The following PLCB4 variants were observed in gnomAD, a reference collection of about 807,000 sequenced individuals.
The protein encoded by PLCB4 is 1-phosphatidylinositol 4,5-bisphosphate phosphodiesterase beta-4.
Under a neutral mutation model 178.8 loss-of-function variants are expected in PLCB4, and 77 were observed. The ratio of observed to expected loss-of-function variants is 0.43; its 90% CI spans 0.36 to 0.52. The LOEUF (loss-of-function observed/expected upper bound fraction) is 0.52. Ranked by LOEUF, PLCB4 falls within the 20% of genes least tolerant of loss-of-function variation. The probability of loss-of-function intolerance (pLI) is 0.00; values close to 1 mark genes in which losing one functional copy is unlikely to be tolerated. For missense variants in PLCB4, 1,024 were observed against 1,453.4 expected, an observed-to-expected ratio of 0.70 and a Z score of 4.80; for synonymous variants, 496 against 490.8, an observed-to-expected ratio of 1.01 and a Z score of -0.14.
chr20:9,222,613 T>G (rs1294910139), intron 3 of PLCB4, among the ~76,000 whole-genome samples: 1 of 152,238 alleles, frequency 6.6e-6, no homozygotes, highest in Non-Finnish European at 1.5e-5. Context: ...TTTAGTTACA[T>G]ATTTAACTTA....
chr20:9,306,379 A>G (rs1380098728), intron 3 of PLCB4, among the ~76,000 whole-genome samples: 2 of 147,458 alleles, frequency 1.4e-5, no homozygotes, highest in Admixed American at 6.7e-5. Context: ...GCCTCTCAAA[A>G]TGCTGGGATT....
intron 21 of PLCB4, among the ~76,000 whole-genome samples, chr20:9,406,134 T>C (rs1329078364): frequency 6.6e-6 from 1 of 152,218 alleles, no homozygotes; most frequent in Admixed American, 6.5e-5. Flanking sequence ...GTCATTGTCA[T>C]TTATTAGCTA....
intron 2 of PLCB4, among the ~76,000 whole-genome samples, chr20:9,099,859 G>T (rs1188760009): frequency 6.6e-6 from 1 of 152,148 alleles, no homozygotes; most frequent in Non-Finnish European, 1.5e-5. Flanking sequence ...AGCGGCAGGG[G>T]TCCATGTGCC....
intron 2 of PLCB4, among the ~76,000 whole-genome samples, chr20:9,169,001 A>G (rs898939241): frequency 4.4e-5 from 6 of 137,058 alleles, no homozygotes; most frequent in Non-Finnish European, 6.4e-5. Context: ...GGTTGCTACA[A>G]CCACCAAGGG....
chr20:9,448,438 CAG>C (rs2042548554), intron 32 of PLCB4, among the ~76,000 whole-genome samples: 1 of 152,094 alleles, frequency 6.6e-6, no homozygotes, highest in Admixed American at 6.6e-5. Flanking sequence ...TAGCTAAGAA[CAG>C]GGACTATTAT....
chr20:9,109,480 TTC>T (rs1023378392), intron 2 of PLCB4, among the ~76,000 whole-genome samples: 18 of 152,160 alleles, frequency 1.2e-4, no homozygotes, highest in African/African-American at 4.1e-4. Flanking sequence ...TTTTTTTTTT[TTC>T]GTAATGGCCT....
At chr20:9,364,531 G>A (rs1568658861) in intron 8 of PLCB4, among the ~76,000 whole-genome samples, 1 of 152,176 alleles carries the variant, frequency 6.6e-6, no homozygotes, top group African/African-American at 2.4e-5. Flanking sequence ...GGTACAGAAG[G>A]CCATCCCTCT....
chr20:9,345,761 C>A (rs1477083984), intron 7 of PLCB4, among the ~76,000 whole-genome samples: 1 of 152,092 alleles, frequency 6.6e-6, no homozygotes, highest in Non-Finnish European at 1.5e-5. Flanking sequence ...ATGTAAATAA[C>A]TACTATAGAA....
chr20:9,218,089 C>T (rs765910552), intron 3 of PLCB4, among the ~76,000 whole-genome samples: 6 of 152,056 alleles, frequency 3.9e-5, no homozygotes, highest in Non-Finnish European at 5.9e-5. Context: ...CTTTTATAAT[C>T]CCTTGATCAA....
chr20:9,363,112 CA>C, intron 8 of PLCB4, 137 bp downstream of exon 8: 1 of 690,588 alleles, frequency 1.4e-6, no homozygotes, highest in Non-Finnish European at 2.6e-6. Flanking sequence ...TGGAGTTGAC[CA>C]ACACACACCT....
chr20:9,445,345 T>G (rs181752526), intron 32 of PLCB4, among the ~76,000 whole-genome samples: 1 of 152,238 alleles, frequency 6.6e-6, no homozygotes, highest in Non-Finnish European at 1.5e-5. Flanking sequence ...TAAACTAATC[T>G]TGCATTCCTG....
chr20:9,094,407 A>G (rs187442425), intron 1 of PLCB4, among the ~76,000 whole-genome samples: 15 of 152,296 alleles, frequency 9.8e-5, no homozygotes, highest in Non-Finnish European at 8.8e-5. Context: ...ATTTTTGCCT[A>G]AAGTATTTCT....
At chr20:9,408,532 A>G in intron 22 of PLCB4, 101 bp from the exon 23 acceptor site, 1 of 574,442 alleles carries the variant, frequency 1.7e-6, no homozygotes, top group African/African-American at 2.6e-5. Context: ...TTAGCCTCCA[A>G]GGCCTCATGA....
rs575060763 is a variant in PLCB4, at chr20:9,246,782, C to T, written c.-16+29330C>T. Among the ~76,000 whole-genome samples, 17 of 152,190 alleles carry T rather than the reference C, an allele frequency of 1.1e-4. No homozygotes were observed. In the South Asian group the frequency reaches 1.7e-3, roughly 15 times the overall value. On this transcript the variant is annotated intron_variant, in intron 3 of 39. Coordinates refer to ENST00000378473, the MANE Select transcript of PLCB4 (RefSeq NM_001377142.1). Reference sequence around the variant, plus strand: ...TATTCAATATGACTGGATTTGAACTCGACTGGGTAAATTGCCTTGTTTTAG... The same window carrying T: ...TATTCAATATGACTGGATTTGAACTTGACTGGGTAAATTGCCTTGTTTTAG...
intron 3 of PLCB4, among the ~76,000 whole-genome samples, chr20:9,220,171 G>C (rs1192121514): frequency 6.6e-6 from 1 of 152,170 alleles, no homozygotes; most frequent in Non-Finnish European, 1.5e-5. Flanking sequence ...TGCTGAAGAG[G>C]AATGCCTTAG....
chr20:9,166,305 G>C (rs2092969650), intron 2 of PLCB4: 1 of 152,110 alleles, frequency 6.6e-6, no homozygotes, highest in Non-Finnish European at 1.5e-5. Context: ...GGCTCTTCTT[G>C]TTATGTTTGG....
At chr20:9,293,120 A>T (rs1314345302) in intron 3 of PLCB4, among the ~76,000 whole-genome samples, 1 of 151,486 alleles carries the variant, frequency 6.6e-6, no homozygotes, top group Non-Finnish European at 1.5e-5. Context: ...CCAGAGAGAG[A>T]CAGAGACAGA....
intron 30 of PLCB4, among the ~76,000 whole-genome samples, chr20:9,438,114 C>T (rs536001751): frequency 6.6e-6 from 1 of 152,070 alleles, no homozygotes; most frequent in Admixed American, 6.5e-5. Flanking sequence ...TGCCTGTAAT[C>T]CCAGCACTTT....
chr20:9,254,579 T>G (rs947223850), intron 3 of PLCB4, among the ~76,000 whole-genome samples: 1 of 152,108 alleles, frequency 6.6e-6, no homozygotes, highest in Non-Finnish European at 1.5e-5. Flanking sequence ...ATGCCTGTAA[T>G]CCCAGCTTCT....
Sources: gnomAD v4.1 joint callset for allele counts (sites outside exome capture counted in the v4.1 genomes callset) on GRCh38, gnomAD v4.1.1 for gene constraint, MANE v1.5 for transcripts, NCBI Gene and HGNC (gene_info 2026-07-23, HGNC 2026-07-21) for gene names.